The following NALF1 variants were observed in gnomAD, a reference collection of about 807,000 sequenced individuals.
NALF1 encodes the protein NALCN channel auxiliary factor 1.
In NALF1, 3 loss-of-function variants were observed where a neutral mutation model predicts 48.4. The observed-to-expected ratio is 0.06, with a 90% CI of 0.03 to 0.16. The LOEUF (loss-of-function observed/expected upper bound fraction) is 0.16, where lower values mean the gene tolerates loss of function less well. Among genes scored for constraint, NALF1 ranks in the 10% least tolerant of loss-of-function variants. NALF1 has a pLI of 1.00. For missense variants in NALF1, 526 were observed against 571.5 expected, an observed-to-expected ratio of 0.92 and a Z score of 0.81; for synonymous variants, 262 against 245.7, an observed-to-expected ratio of 1.07 and a Z score of -0.62.
chr13:107,619,457 A>G (rs1426471360), intron 1 of NALF1, among the ~76,000 whole-genome samples: 1 of 152,150 alleles, frequency 6.6e-6, no homozygotes, highest in African/African-American at 2.4e-5. Flanking sequence ...CCACAGCCCC[A>G]TGGAACCCTG....
chr13:107,680,845 TAA>T (rs1283163403), intron 1 of NALF1, among the ~76,000 whole-genome samples: 1 of 149,644 alleles, frequency 6.7e-6, no homozygotes, highest in African/African-American at 2.5e-5. Flanking sequence ...CATGAGAGTG[TAA>T]GAGTATGTGA....
intron 1 of NALF1, among the ~76,000 whole-genome samples, chr13:107,556,083 AAAGT>A (rs1877465064): frequency 6.6e-6 from 1 of 151,914 alleles, no homozygotes; most frequent in Non-Finnish European, 1.5e-5. Flanking sequence ...TATTCACTTG[AAAGT>A]AATTCTGGTT....
intron 1 of NALF1, among the ~76,000 whole-genome samples, chr13:107,260,085 G>A (rs1203514389): frequency 1.3e-5 from 2 of 152,168 alleles, no homozygotes; most frequent in African/African-American, 4.8e-5. Flanking sequence ...CTGAATCTGG[G>A]TCTTTGTACT....
Position 107,553,926 on chromosome 13 carries a change from C to T in NALF1, c.915+311756G>A, listed in dbSNP as rs192975043. Among the ~76,000 whole-genome samples the T allele has an allele frequency of 3.6e-3, 545 of 152,318 alleles. 5 individuals are homozygous for T. The highest frequency in any genetic ancestry group is 0.012 in the African/African-American group (507 of 41,578). ...AAGTGCCTGGCAAAGTCCACATCGT[C>T]TTTAAAAGAGCATATCCATGCACTG... is the stretch of plus-strand genomic sequence containing the variant. On this transcript the variant is annotated intron_variant, in intron 1 of 2. Transcript: ENST00000375915.
At chr13:107,287,706 C>CTTTTTT (rs59607599) in intron 1 of NALF1, among the ~76,000 whole-genome samples, 45 of 127,864 alleles carry the variant, frequency 3.5e-4, no homozygotes, top group East Asian at 6.7e-4. Flanking sequence ...TCTTTTCTTT[C>CTTTTTT]TTTTTTTTTT....
chr13:107,326,950 G>A (rs1882375772), intron 1 of NALF1, among the ~76,000 whole-genome samples: 1 of 151,250 alleles, frequency 6.6e-6, no homozygotes, highest in Non-Finnish European at 1.5e-5. Flanking sequence ...GGCCTTGAGG[G>A]TGATCTTAAT....
chr13:107,192,144 A>T (rs1336403178), intron 2 of NALF1, among the ~76,000 whole-genome samples: 1 of 152,198 alleles, frequency 6.6e-6, no homozygotes, highest in Non-Finnish European at 1.5e-5. Flanking sequence ...AAAAGTTTAA[A>T]CACAAATATT....
rs116737090 is a variant in NALF1 at position 107,627,523 on chromosome 13, C to T, written c.915+238159G>A. On this transcript the variant is annotated intron_variant, in intron 1 of 2. Transcript: ENST00000375915. ...CCTTAATGAGGAACCCCTTCTGTACCTGTATTTTCTCTGCATGAAAGCAGC... is the reference window on the plus strand; with the variant it reads ...CCTTAATGAGGAACCCCTTCTGTACTTGTATTTTCTCTGCATGAAAGCAGC... Among the ~76,000 whole-genome samples, 452 of 152,170 alleles carry T rather than the reference C, an allele frequency of 3.0e-3. 3 individuals carry two copies. The highest frequency in any genetic ancestry group is 0.01 in the African/African-American group (433 of 41,536).
At chr13:107,406,415 A>C (rs1241925788) in intron 1 of NALF1, among the ~76,000 whole-genome samples, 1 of 152,080 alleles carries the variant, frequency 6.6e-6, no homozygotes, top group Non-Finnish European at 1.5e-5. Flanking sequence ...TCCCATTTAA[A>C]ATAGTTACAC....
intron 2 of NALF1, among the ~76,000 whole-genome samples, chr13:107,201,764 CA>C (rs1255828758): frequency 1.3e-5 from 2 of 152,144 alleles, no homozygotes; most frequent in East Asian, 1.9e-4. Context: ...CACTTACACA[CA>C]AAAAAAGACT....
At chr13:107,327,906 C>G (rs1482579408) in intron 1 of NALF1, among the ~76,000 whole-genome samples, 2 of 151,728 alleles carry the variant, frequency 1.3e-5, no homozygotes, top group East Asian at 3.9e-4. Context: ...CAGATCTCAG[C>G]TTAAAAGTGC....
chr13:107,669,589 CAGAGCTTGTGTGAG>C (rs1880943410), intron 1 of NALF1, among the ~76,000 whole-genome samples: 1 of 152,162 alleles, frequency 6.6e-6, no homozygotes, highest in African/African-American at 2.4e-5. Flanking sequence ...GGTTCACAAG[CAGAGCTTGTGTGAG>C]CTCATCACAA....
chr13:107,491,030 A>G (rs1875090239), intron 1 of NALF1, among the ~76,000 whole-genome samples: 1 of 152,190 alleles, frequency 6.6e-6, no homozygotes, highest in African/African-American at 2.4e-5. Context: ...AAGGTATCTG[A>G]TGAACTCCTT....
chr13:107,692,563 C>T (rs888262960), intron 1 of NALF1, among the ~76,000 whole-genome samples: 11 of 152,074 alleles, frequency 7.2e-5, no homozygotes, highest in East Asian at 3.9e-4. Flanking sequence ...TATGGATTAA[C>T]GTGTTATACT....
At chr13:107,721,849 T>C (rs1467792681) in intron 1 of NALF1, among the ~76,000 whole-genome samples, 1 of 152,204 alleles carries the variant, frequency 6.6e-6, no homozygotes, top group Non-Finnish European at 1.5e-5. Flanking sequence ...TGATTTCTGA[T>C]GTCTGATCAT....
chr13:107,426,571 A>C (rs1026545183), intron 1 of NALF1, among the ~76,000 whole-genome samples: 4 of 152,192 alleles, frequency 2.6e-5, no homozygotes, highest in African/African-American at 9.7e-5. Flanking sequence ...TTTCATAAGC[A>C]ATCAACCATA....
chr13:107,796,397 A>C (rs146260428), intron 1 of NALF1, among the ~76,000 whole-genome samples: 12 of 152,244 alleles, frequency 7.9e-5, no homozygotes, highest in Middle Eastern at 3.4e-3. Flanking sequence ...TTTTGTTTTA[A>C]GATAATCTTT....
intron 1 of NALF1, among the ~76,000 whole-genome samples, chr13:107,765,607 T>C (rs140045954): frequency 3.0e-4 from 46 of 152,278 alleles, no homozygotes; most frequent in African/African-American, 1.1e-3. Flanking sequence ...ATGATAGATT[T>C]AAAAGTGAAA....
rs1236851405 is a variant in NALF1, at chr13:107,643,623, A to G, written c.915+222059T>C. ...CAAAGGGAACAAATAAAGGGGGAGG[A>G]TTATTAGAAAAATAAGCAATTTTAT... is the stretch of plus-strand genomic sequence containing the variant. On this transcript the variant is annotated intron_variant, in intron 1 of 2. Coordinates refer to ENST00000375915, the MANE Select transcript of NALF1 (RefSeq NM_001080396.3). 2.0e-5 allele frequency among the ~76,000 whole-genome samples: 3 copies of G among 152,042 alleles called. 1 individual carries two copies. The highest frequency in any genetic ancestry group is 3.4e-3 in the Middle Eastern group (1 of 294).
Sources: allele counts gnomAD v4.1 joint callset (sites outside exome capture counted in the v4.1 genomes callset), GRCh38; gene constraint gnomAD v4.1.1; transcripts MANE v1.5; gene names NCBI Gene and HGNC (gene_info 2026-07-23, HGNC 2026-07-21).